Variants in CMKLR2 observed in about 807,000 individuals in gnomAD.
CMKLR2 encodes the protein chemerin-like receptor 2.
A neutral mutation model predicts 23.0 loss-of-function variants in CMKLR2; 18 were observed. The observed-to-expected ratio is 0.78, with a 90% CI of 0.54 to 1.16. CMKLR2 has a LOEUF of 1.16. Ranked by LOEUF, CMKLR2 falls within the 50% of genes most tolerant of loss-of-function variation. The pLI is 0.00. For synonymous variants in CMKLR2, 158 were observed against 158.9 expected (o/e 0.99, Z 0.05); for missense variants, 401 against 412.7 (o/e 0.97, Z 0.25).
At chr2:206,217,760 C>A (rs1689800169), upstream of CMKLR2, 1 of 152,176 alleles carries the variant, frequency 6.6e-6, no homozygotes. Context: ...GGCTCAGACA[C>A]AAGGCATGCG....
intron 1 of CMKLR2, among the ~76,000 whole-genome samples, chr2:206,189,728 C>T (rs1688692251): frequency 6.6e-6 from 1 of 152,078 alleles, no homozygotes; most frequent in Non-Finnish European, 1.5e-5. Flanking sequence ...GATCCATGAC[C>T]TAGCAAACAT....
chr2:206,209,812 C>G (rs1387249418), intron 1 of CMKLR2, among the ~76,000 whole-genome samples: 4 of 151,088 alleles, frequency 2.6e-5, no homozygotes, highest in African/African-American at 9.7e-5. Context: ...CGATGCCCGG[C>G]TAATTTTTTG....
intron 1 of CMKLR2, among the ~76,000 whole-genome samples, chr2:206,180,533 C>G (rs1576035195): frequency 6.6e-6 from 1 of 152,046 alleles, no homozygotes; most frequent in African/African-American, 2.4e-5. Context: ...CTCCTAGGCT[C>G]AAGTCATTCT....
chr2:206,213,757 G>A (rs1689653235), upstream of CMKLR2: 1 of 152,206 alleles, frequency 6.6e-6, no homozygotes, highest in Non-Finnish European at 1.5e-5. Flanking sequence ...ATGGTATAAG[G>A]CTCATCAGGA....
At chr2:206,184,853 A>G (rs539469335) in intron 1 of CMKLR2, among the ~76,000 whole-genome samples, 43 of 152,202 alleles carry the variant, frequency 2.8e-4, no homozygotes, top group Admixed American at 1.7e-3. Flanking sequence ...CTTAGATTTT[A>G]TATTTACCAG....
chr2:206,181,471 G>C (rs1399612925), intron 1 of CMKLR2, among the ~76,000 whole-genome samples: 2 of 151,986 alleles, frequency 1.3e-5, no homozygotes, highest in African/African-American at 4.8e-5. Flanking sequence ...GAGACTACAG[G>C]AACATACCAC....
chr2:206,177,431 C>T (rs1240243493), intron 1 of CMKLR2, among the ~76,000 whole-genome samples, 156 bp from the exon 2 acceptor site: 1 of 152,076 alleles, frequency 6.6e-6, no homozygotes, highest in Admixed American at 6.6e-5. Context: ...CTCTGTTGCC[C>T]AAGCTGGAGT....
intron 1 of CMKLR2, among the ~76,000 whole-genome samples, chr2:206,181,241 G>A (rs188930391): frequency 7.2e-5 from 11 of 152,142 alleles, no homozygotes; most frequent in African/African-American, 2.4e-4. Context: ...ATTTTTAGTA[G>A]AGACAGAGTT....
At chr2:206,204,598 G>A (rs944679658) in intron 1 of CMKLR2, among the ~76,000 whole-genome samples, 8 of 151,408 alleles carry the variant, frequency 5.3e-5, no homozygotes, top group African/African-American at 1.5e-4. Flanking sequence ...TCGCTCTGTC[G>A]CCCAGGCCAG....
chr2:206,178,088 C>T (rs1688289420), intron 1 of CMKLR2, among the ~76,000 whole-genome samples: 1 of 152,132 alleles, frequency 6.6e-6, no homozygotes, highest in Non-Finnish European at 1.5e-5. Context: ...ATAGCAAAAA[C>T]CTGTCTCTAC....
At chr2:206,216,201 C>T (rs1046587805), upstream of CMKLR2, among the ~76,000 whole-genome samples, 2 of 152,104 alleles carry the variant, frequency 1.3e-5, no homozygotes, top group Admixed American at 6.5e-5. Context: ...TGCCTGTAAT[C>T]CTAGCACTTT....
chr2:206,203,996 G>C (rs1265864302), intron 1 of CMKLR2: 1 of 152,154 alleles, frequency 6.6e-6, no homozygotes, highest in Non-Finnish European at 1.5e-5. Flanking sequence ...TTGTATGAAT[G>C]ACAAAAGATA....
chr2:206,204,570 T>G (rs1689242225), intron 1 of CMKLR2, among the ~76,000 whole-genome samples: 1 of 151,908 alleles, frequency 6.6e-6, no homozygotes, highest in African/African-American at 2.4e-5. Flanking sequence ...TTGTTTTTGT[T>G]TTTTTTGAGA....
chr2:206,214,165 ATTTTTTTTTT>A (rs34307347), upstream of CMKLR2, among the ~76,000 whole-genome samples: 17 of 64,940 alleles, frequency 2.6e-4, no homozygotes, highest in Admixed American at 2.6e-3. Context: ...TAAAGACTTG[ATTTTTTTTTT>A]TTTTTTTTTT....
At chr2:206,197,524 C>A (rs1688959619) in intron 1 of CMKLR2, among the ~76,000 whole-genome samples, 1 of 152,210 alleles carries the variant, frequency 6.6e-6, no homozygotes, top group South Asian at 2.1e-4. Flanking sequence ...AGCCCTCCAA[C>A]TAAACCCCTT....
chr2:206,184,917 G>T lies in CMKLR2; in HGVS notation c.-28-7642C>A, dbSNP rs1688533598. On this transcript the variant is annotated intron_variant, in intron 1 of 1. Coordinates refer to ENST00000621141, the MANE Select transcript of CMKLR2 (RefSeq NM_001389445.1). Reference sequence around the variant, plus strand: ...TATAAAATTACATTGTATATTAAAAGATGGTAAGTACTACAGAAAGATGAA... The same window carrying T: ...TATAAAATTACATTGTATATTAAAATATGGTAAGTACTACAGAAAGATGAA... 2.6e-5 allele frequency among the ~76,000 whole-genome samples: 4 copies of T among 152,164 alleles called. No individual in the cohort carries two copies. In the South Asian group the frequency reaches 8.3e-4, roughly 32 times the overall value.
intron 1 of CMKLR2, among the ~76,000 whole-genome samples, chr2:206,185,394 TC>T (rs1182330263): frequency 6.6e-6 from 1 of 152,168 alleles, no homozygotes; most frequent in African/African-American, 2.4e-5. Context: ...GCAAGAGTGT[TC>T]CAGGCACCAC....
At chr2:206,183,402 C>T (rs577028930) in intron 1 of CMKLR2, among the ~76,000 whole-genome samples, 12 of 152,198 alleles carry the variant, frequency 7.9e-5, no homozygotes, top group Non-Finnish European at 1.6e-4. Context: ...TGAAGGCAAC[C>T]GTCTTCTTCC....
chr2:206,183,505 G>C (rs1688480574), intron 1 of CMKLR2, among the ~76,000 whole-genome samples: 1 of 152,142 alleles, frequency 6.6e-6, no homozygotes, highest in African/African-American at 2.4e-5. Flanking sequence ...TATCTGAATA[G>C]AACACCTTCA....
Sources: allele counts gnomAD v4.1 joint callset (sites outside exome capture counted in the v4.1 genomes callset), GRCh38; gene constraint gnomAD v4.1.1; transcripts MANE v1.5; gene names NCBI Gene and HGNC (gene_info 2026-07-23, HGNC 2026-07-21).